SNX14: variants seen among roughly 807,000 people sequenced by gnomAD.
SNX14 encodes sorting nexin 14.
SNX14 carries 93 observed loss-of-function variants against 133.8 expected under a neutral mutation model. The observed-to-expected ratio is 0.70, with a 90% CI of 0.59 to 0.83. The LOEUF (loss-of-function observed/expected upper bound fraction) is 0.83. SNX14 is among the 40% of genes least tolerant of loss of function. The pLI is 0.00. For synonymous variants in SNX14, 368 were observed against 365.6 expected, an observed-to-expected ratio of 1.01 and a Z score of -0.07; for missense variants, 945 against 1,094.9, an observed-to-expected ratio of 0.86 and a Z score of 1.93.
At chr6:85,552,524 CA>C (rs1220928647) in intron 7 of SNX14, among the ~76,000 whole-genome samples, 2 of 152,222 alleles carry the variant, frequency 1.3e-5, no homozygotes, top group African/African-American at 4.8e-5. Flanking sequence ...AAATTGCAGG[CA>C]CCTAAGCTAG....
rs761529962 is a variant in SNX14, at chr6:85,507,303, AAATAAT to A, written c.2746-20_2746-15del. The A allele has an allele frequency of 5.6e-6, 9 of 1,594,368 alleles. No homozygotes were observed. The highest frequency in any genetic ancestry group is 5.4e-5 in the African/African-American group (4 of 73,900). On this transcript the variant is annotated splice_polypyrimidine_tract_variant and intron_variant, in intron 27 of 28. Coordinates refer to ENST00000314673, the MANE Select transcript of SNX14 (RefSeq NM_153816.6). ...AACATAAGTCAGCTAAAGCACCAAA[AAATAAT>A]AATAATAAATGTTAAGGCACTAAAC... is the stretch of plus-strand genomic sequence containing the variant.
intron 12 of SNX14, 109 bp from the exon 13 acceptor site, chr6:85,543,869 CA>C: frequency 3.9e-6 from 2 of 517,630 alleles, no homozygotes; most frequent in Non-Finnish European, 5.9e-6. Flanking sequence ...CAATTAGAAG[CA>C]ATCTAATTCA....
Position 85,540,136 on chromosome 6 carries a change from A to AT in SNX14, c.1449-1273dup, listed in dbSNP as rs533348027. Reference sequence around the variant, plus strand: ...TCCATCGCACTTGACTAATTTTTGTATTTTTAGCAGAGACAGGGTTTCACC... The same window carrying AT: ...TCCATCGCACTTGACTAATTTTTGTATTTTTTAGCAGAGACAGGGTTTCACC... On this transcript the variant is annotated intron_variant, in intron 15 of 28. Transcript: ENST00000314673. Among the ~76,000 whole-genome samples the AT allele has an allele frequency of 2.4e-4, 36 of 151,974 alleles. No individual in the cohort carries two copies. The East Asian group carries it at 6.6e-3, about 28-fold the overall frequency.
chr6:85,558,730 C>T (rs1014464873), intron 6 of SNX14, among the ~76,000 whole-genome samples: 1 of 152,084 alleles, frequency 6.6e-6, no homozygotes, highest in Admixed American at 6.5e-5. Flanking sequence ...TCCCAACAGC[C>T]TCCCAAAGTG....
rs74594897 is a variant in SNX14, at chr6:85,517,725, C to T, written c.2268+31G>A. The T allele has an allele frequency of 1.8e-3, 2,797 of 1,554,004 alleles. 39 individuals are homozygous for T. The African/African-American group carries it at 0.034, about 19-fold the overall frequency. ...TAATCTCAAGTAGGGCAACTTAAAA[C>T]TTAATAGTTCTTTAATGCAATGTGC... On this transcript the variant is annotated intron_variant, in intron 23 of 28. Transcript: ENST00000314673.
chr6:85,539,949 T>TATTTTATTTTATTTTATTTTA (rs1783120866), intron 15 of SNX14, among the ~76,000 whole-genome samples: 1 of 148,448 alleles, frequency 6.7e-6, no homozygotes, highest in Non-Finnish European at 1.5e-5. Flanking sequence ...TATTTTATTT[T>TATTTTATTTTATTTTATTTTA]ATTTTATTTT....
chr6:85,545,806 C>T (rs1785280155), intron 12 of SNX14, among the ~76,000 whole-genome samples: 1 of 152,170 alleles, frequency 6.6e-6, no homozygotes, highest in Non-Finnish European at 1.5e-5. Context: ...GCCTCAGCCT[C>T]CTGAGTAGCT....
At chr6:85,540,722 A>G (rs566536571) in intron 15 of SNX14, among the ~76,000 whole-genome samples, 2 of 152,324 alleles carry the variant, frequency 1.3e-5, no homozygotes, top group African/African-American at 4.8e-5. Context: ...GTCAAGAAAT[A>G]CAATATATTC....
intron 21 of SNX14, among the ~76,000 whole-genome samples, chr6:85,523,980 C>T (rs1256523064): frequency 2.6e-5 from 4 of 152,120 alleles, no homozygotes; most frequent in African/African-American, 9.7e-5. Flanking sequence ...GTCAAGAGAT[C>T]GAGACCATCC....
intron 1 of SNX14, among the ~76,000 whole-genome samples, chr6:85,583,342 A>G (rs1799635400): frequency 6.6e-6 from 1 of 152,222 alleles, no homozygotes; most frequent in African/African-American, 2.4e-5. Flanking sequence ...AAACTGACAC[A>G]ACACAAGGAT....
At position 85,514,058 on chromosome 6, in the gene SNX14, G is replaced by C; in HGVS notation, c.2557+12C>G. ...CACAAAATATGAAACAAACACATTA[G>C]AAAATACAAACCTCTGAGAAGTGTT... On this transcript the variant is annotated intron_variant, in intron 25 of 28. Coordinates refer to ENST00000314673, the MANE Select transcript of SNX14 (RefSeq NM_153816.6). 6.3e-7 allele frequency: 1 copy of C among 1,595,954 alleles called. No homozygotes were observed. Among genetic ancestry groups the C allele is most frequent in the Non-Finnish European group, 8.5e-7 (1 of 1,174,270 alleles).
intron 6 of SNX14, among the ~76,000 whole-genome samples, chr6:85,560,753 GC>G (rs1791269780): frequency 2.0e-5 from 3 of 152,150 alleles, no homozygotes; most frequent in African/African-American, 4.8e-5. Context: ...CCTAACATAG[GC>G]CTGGCACAGT....
rs192975165 is a variant in SNX14 at position 85,575,222 on chromosome 6, G to A, written c.141-844C>T. Among the ~76,000 whole-genome samples the A allele has an allele frequency of 1.3e-3, 201 of 152,300 alleles. 1 individual carries two copies. The highest frequency in any genetic ancestry group is 3.4e-3 in the Middle Eastern group (1 of 294). On this transcript the variant is annotated intron_variant, in intron 1 of 28. Coordinates refer to ENST00000314673, the MANE Select transcript of SNX14 (RefSeq NM_153816.6). Reference sequence around the variant, plus strand: ...ATACAGGTAGTCCTCACATTGCACAGTTCTGATATGCAAAAATTTCAGATA... The same window carrying A: ...ATACAGGTAGTCCTCACATTGCACAATTCTGATATGCAAAAATTTCAGATA...
At chr6:85,557,581 A>G (rs986711949) in intron 7 of SNX14, among the ~76,000 whole-genome samples, 11 of 152,198 alleles carry the variant, frequency 7.2e-5, no homozygotes, top group African/African-American at 2.4e-4. Context: ...GACAGTCACT[A>G]AATTTGTTTT....
At chr6:85,570,934 A>G (rs1795344095) in intron 4 of SNX14, among the ~76,000 whole-genome samples, 1 of 152,160 alleles carries the variant, frequency 6.6e-6, no homozygotes, top group African/African-American at 2.4e-5. Context: ...AATCCACTAT[A>G]TATTTTATAC....
chr6:85,566,664 C>G (rs1266337191), intron 5 of SNX14, among the ~76,000 whole-genome samples: 2 of 150,944 alleles, frequency 1.3e-5, no homozygotes, highest in Admixed American at 1.3e-4. Flanking sequence ...CGCCACTGCA[C>G]TCCAGCCTAG....
In SNX14 at chr6:85,593,091, G is replaced by T. The variant is rs530435452; in HGVS notation, c.140+488C>A. ...TTCTGTCCAACAAATCTTTATGATC[G>T]TCTGTTTTATTCAACAATACTGCGG... On this transcript the variant is annotated intron_variant, in intron 1 of 28. Transcript: ENST00000314673. Among the ~76,000 whole-genome samples, 184 of 152,304 alleles carry T rather than the reference G, an allele frequency of 1.2e-3. 1 individual carries two copies. Among genetic ancestry groups the T allele is most frequent in the African/African-American group, 4.1e-3 (170 of 41,560 alleles).
chr6:85,512,942 G>C (rs1225673963), intron 26 of SNX14, among the ~76,000 whole-genome samples: 1 of 151,902 alleles, frequency 6.6e-6, no homozygotes, highest in Non-Finnish European at 1.5e-5. Flanking sequence ...AGGTTCTTAT[G>C]TGCCAGACCA....
At chr6:85,546,283 C>G (rs1389101106) in intron 12 of SNX14, among the ~76,000 whole-genome samples, 3 of 152,152 alleles carry the variant, frequency 2.0e-5, no homozygotes, top group East Asian at 3.8e-4. Flanking sequence ...ACTGATCAAA[C>G]TATACATTTA....
Sources: gnomAD v4.1 joint callset for allele counts (sites outside exome capture counted in the v4.1 genomes callset) on GRCh38, gnomAD v4.1.1 for gene constraint, MANE v1.5 for transcripts, NCBI Gene and HGNC (gene_info 2026-07-23, HGNC 2026-07-21) for gene names.